COL8A1: variants seen among roughly 807,000 people sequenced by gnomAD.
COL8A1 encodes collagen alpha-1(VIII) chain.
COL8A1 carries 21 observed loss-of-function variants against 42.7 expected under a neutral mutation model. That is an observed-to-expected ratio of 0.49 (90% confidence interval 0.35 to 0.71). The LOEUF is 0.71. Among genes scored for constraint, COL8A1 ranks in the 30% least tolerant of loss-of-function variants. COL8A1 has a pLI of 0.01. For missense variants in COL8A1, 788 were observed against 962.4 expected, an observed-to-expected ratio of 0.82 and a Z score of 2.40; for synonymous variants, 367 against 369.1, an observed-to-expected ratio of 0.99 and a Z score of 0.06.
At chr3:99,728,215 G>C (rs1457894757) in intron 1 of COL8A1, among the ~76,000 whole-genome samples, 4 of 152,046 alleles carry the variant, frequency 2.6e-5, no homozygotes, top group Non-Finnish European at 4.4e-5. Context: ...CCTGTTTGCA[G>C]ATGACATGAT....
chr3:99,795,504 C>G lies in COL8A1; in HGVS notation c.1603C>G (p.Pro535Ala), dbSNP rs201974811. The G allele has an allele frequency of 6.3e-7, 1 of 1,586,816 alleles. No homozygotes were observed. Among genetic ancestry groups the G allele is most frequent in the African/African-American group, 1.3e-5 (1 of 74,194 alleles). The change falls in exon 4 of 4, where the codon CCC becomes GCC. Residue 535 changes from proline (P) to alanine (A), a missense_variant. Pro to Ala is a conservative substitution (Grantham distance 27). Coordinates refer to ENST00000652472, the MANE Select transcript of COL8A1 (RefSeq NM_020351.4). The part of the protein sequence containing the change: ...GPPGFPGIGK[P>A]GVAGLHGPPG... ...CCCTGGGTTCCCTGGTATAGGGAAA[C>G]CCGGAGTGGCAGGACTTCATGGCCC...
intron 1 of COL8A1, among the ~76,000 whole-genome samples, chr3:99,702,169 G>A (rs1939559671): frequency 6.6e-6 from 1 of 152,098 alleles, no homozygotes; most frequent in African/African-American, 2.4e-5. Flanking sequence ...CTAGTACCCT[G>A]TCATGAAATT....
intron 2 of COL8A1, among the ~76,000 whole-genome samples, chr3:99,779,192 G>GT (rs1408241052): frequency 6.6e-6 from 1 of 152,142 alleles, no homozygotes; most frequent in African/African-American, 2.4e-5. Flanking sequence ...TTAAGTCTGT[G>GT]TTTTTTCATA....
At chr3:99,654,596 C>T (rs1937952782) in intron 1 of COL8A1, among the ~76,000 whole-genome samples, 4 of 151,868 alleles carry the variant, frequency 2.6e-5, no homozygotes, top group Admixed American at 6.6e-5. Flanking sequence ...GAGACCAGCC[C>T]GGGCAACATG....
chr3:99,703,818 G>A (rs888780513), intron 1 of COL8A1, among the ~76,000 whole-genome samples: 3 of 152,136 alleles, frequency 2.0e-5, no homozygotes, highest in Non-Finnish European at 4.4e-5. Flanking sequence ...ACCCATTCAA[G>A]ATTTTCAACC....
chr3:99,746,612 G>T (rs981302992), intron 2 of COL8A1, among the ~76,000 whole-genome samples: 1 of 152,212 alleles, frequency 6.6e-6, no homozygotes, highest in Admixed American at 6.5e-5. Context: ...TGCTTGTAAA[G>T]TTCTGGTGGA....
chr3:99,659,235 G>A (rs771782014), intron 1 of COL8A1, among the ~76,000 whole-genome samples: 2 of 152,156 alleles, frequency 1.3e-5, no homozygotes, highest in Admixed American at 6.5e-5. Flanking sequence ...GCTGGCTCGT[G>A]GTTGGACCTT....
chr3:99,709,706 G>A (rs539450294), intron 1 of COL8A1, among the ~76,000 whole-genome samples: 37 of 152,262 alleles, frequency 2.4e-4, no homozygotes, highest in Non-Finnish European at 4.7e-4. Context: ...TATCTATTTG[G>A]TTTGACCTGT....
chr3:99,762,550 A>T (rs1240714610), intron 2 of COL8A1, among the ~76,000 whole-genome samples: 1 of 152,038 alleles, frequency 6.6e-6, no homozygotes, highest in African/African-American at 2.4e-5. Flanking sequence ...CCCACCCTCA[A>T]CTCTGCCATG....
intron 1 of COL8A1, among the ~76,000 whole-genome samples, chr3:99,708,173 A>T (rs1438622836): frequency 6.6e-6 from 1 of 152,196 alleles, no homozygotes; most frequent in Non-Finnish European, 1.5e-5. Context: ...GGAAAATCAC[A>T]GAGTGTTTAT....
At position 99,689,468 on chromosome 3, in the gene COL8A1, A is replaced by T. The variant is rs149109796; in HGVS notation, c.-129+50804A>T. Among the ~76,000 whole-genome samples the T allele has an allele frequency of 3.8e-3, 576 of 152,292 alleles. 4 individuals carry two copies. Among genetic ancestry groups the T allele is most frequent in the African/African-American group, 0.013 (547 of 41,558 alleles). On this transcript the variant is annotated intron_variant, in intron 1 of 3. Transcript: ENST00000652472. ...CAGGCACAGAGGTGATAGCATCTCTAAAAAGATACAGACCAGGCCCTGGAA... is the reference window on the plus strand; with the variant it reads ...CAGGCACAGAGGTGATAGCATCTCTTAAAAGATACAGACCAGGCCCTGGAA...
chr3:99,676,298 T>A (rs750417827), intron 1 of COL8A1, among the ~76,000 whole-genome samples: 4 of 152,108 alleles, frequency 2.6e-5, no homozygotes, highest in Non-Finnish European at 4.4e-5. Context: ...AAAGTGATAA[T>A]AGGTATTTTC....
chr3:99,702,590 G>A (rs1255224910), intron 1 of COL8A1, among the ~76,000 whole-genome samples: 1 of 152,218 alleles, frequency 6.6e-6, no homozygotes, highest in African/African-American at 2.4e-5. Flanking sequence ...TGATCAACAT[G>A]ATGACAATGA....
intron 1 of COL8A1, chr3:99,691,792 C>T (rs1191469689): frequency 6.6e-6 from 1 of 150,548 alleles, no homozygotes; most frequent in Non-Finnish European, 1.5e-5. Context: ...AGTTGATTTC[C>T]TGAAACCAAA....
At position 99,727,390 on chromosome 3, in the gene COL8A1, T is replaced by C. The variant is rs985203496; in HGVS notation, c.-128-17507T>C. 5.9e-5 allele frequency among the ~76,000 whole-genome samples: 9 copies of C among 152,262 alleles called. No homozygotes were observed. The South Asian group carries it at 1.9e-3, about 32-fold the overall frequency. Reference sequence around the variant, plus strand: ...ACAATTTGACTTCCTCTTTTCCTAATTGAATACCCTTTATTTCCTTCTCCT... The same window carrying C: ...ACAATTTGACTTCCTCTTTTCCTAACTGAATACCCTTTATTTCCTTCTCCT... On this transcript the variant is annotated intron_variant, in intron 1 of 3. Transcript: ENST00000652472.
At chr3:99,765,316 C>G (rs1207938553) in intron 2 of COL8A1, among the ~76,000 whole-genome samples, 2 of 152,148 alleles carry the variant, frequency 1.3e-5, no homozygotes, top group African/African-American at 4.8e-5. Context: ...CACCAACCAA[C>G]AGCAAGAGAA....
chr3:99,700,322 G>T (rs115749462), intron 1 of COL8A1, among the ~76,000 whole-genome samples: 1 of 150,594 alleles, frequency 6.6e-6, no homozygotes, highest in African/African-American at 2.4e-5. Context: ...AAAAGAACTC[G>T]CGTGAAATGG....
chr3:99,733,404 T>C lies in COL8A1; in HGVS notation c.-128-11493T>C, dbSNP rs535897980. On this transcript the variant is annotated intron_variant, in intron 1 of 3. Transcript: ENST00000652472. ...CTCAGTGAGAATATGTGGTGTTTGGTTTTTTGTTCTTGCGATAGTTTACTG... is the reference window on the plus strand; with the variant it reads ...CTCAGTGAGAATATGTGGTGTTTGGCTTTTTGTTCTTGCGATAGTTTACTG... Among the ~76,000 whole-genome samples the C allele has an allele frequency of 2.9e-3, 407 of 139,266 alleles. 24 individuals carry two copies. The highest frequency in any genetic ancestry group is 0.01 in the African/African-American group (362 of 36,152). 91.4% of individuals were successfully genotyped at this position (139,266 alleles called of 152,430 possible).
At chr3:99,700,949 A>G (rs1939519910) in intron 1 of COL8A1, among the ~76,000 whole-genome samples, 1 of 152,204 alleles carries the variant, frequency 6.6e-6, no homozygotes, top group Non-Finnish European at 1.5e-5. Context: ...CTTCCCACGT[A>G]TAGGCTTTCT....
Sources: allele counts gnomAD v4.1 joint callset (sites outside exome capture counted in the v4.1 genomes callset), GRCh38; gene constraint gnomAD v4.1.1; transcripts MANE v1.5; gene names NCBI Gene and HGNC (gene_info 2026-07-23, HGNC 2026-07-21).